The following RASA1 variants were observed in gnomAD, a reference collection of about 807,000 sequenced individuals.
The protein encoded by RASA1 is RAS p21 protein activator 1.
Under a neutral mutation model 132.2 loss-of-function variants are expected in RASA1, and 25 were observed. That is an observed-to-expected ratio of 0.19 (90% CI 0.14 to 0.26). The LOEUF (loss-of-function observed/expected upper bound fraction) is 0.26, where lower values mean the gene tolerates loss of function less well. RASA1 is among the 10% of genes least tolerant of loss of function. The pLI is 1.00. For missense variants in RASA1, 964 were observed against 1,299.2 expected, an observed-to-expected ratio of 0.74 and a Z score of 3.97; for synonymous variants, 477 against 449.9, an observed-to-expected ratio of 1.06 and a Z score of -0.76.
In RASA1 at chr5:87,271,452, C is replaced by CTTTTTTTTTT. The variant is rs201918763; in HGVS notation, c.539+2485_539+2494dup. ...AAAAAAAACTGTTTTTAGTAGACTT[C>CTTTTTTTTTT]TTTTTTTTTTTTTTTTTTTTTTTTT... On this transcript the variant is annotated intron_variant, in intron 1 of 24. Coordinates refer to ENST00000274376, the MANE Select transcript of RASA1 (RefSeq NM_002890.3). Among the ~76,000 whole-genome samples the CTTTTTTTTTT allele has an allele frequency of 3.9e-4, 15 of 38,214 alleles. 1 individual carries two copies. The highest frequency in any genetic ancestry group is 6.9e-4 in the African/African-American group (6 of 8,668). 25.1% of individuals were successfully genotyped at this position (38,214 alleles called of 152,430 possible). A position where few individuals can be genotyped will look rare whatever the true frequency, so the allele number is the denominator to read the frequency against.
Position 87,346,709 on chromosome 5 carries a change from A to C in RASA1, c.1087A>C (p.Asn363His). ...HGKISKQEAY[N>H]LLMTVGQVCS... ...GAAGATTTCCAAACAGGAAGCTTATAATTTACTAATGACAGGTACTTACAT... is the reference window on the plus strand; with the variant it reads ...GAAGATTTCCAAACAGGAAGCTTATCATTTACTAATGACAGGTACTTACAT... Residue 363 changes from asparagine (N) to histidine (H), a missense_variant, in exon 7 of 25, where the codon AAT becomes CAT. Transcript: ENST00000274376. 2 of 1,551,666 alleles carry C rather than the reference A, an allele frequency of 1.3e-6. No homozygotes were observed. The highest frequency in any genetic ancestry group is 1.8e-6 in the Non-Finnish European group (2 of 1,125,314).
intron 1 of RASA1, among the ~76,000 whole-genome samples, chr5:87,281,876 C>T (rs1203094395): frequency 6.6e-6 from 1 of 152,136 alleles, no homozygotes; most frequent in Non-Finnish European, 1.5e-5. Context: ...CCACCGCCCC[C>T]AGCCTATTGC....
chr5:87,377,485 C>T (rs969851567), intron 17 of RASA1, among the ~76,000 whole-genome samples: 1 of 152,128 alleles, frequency 6.6e-6, no homozygotes, highest in Non-Finnish European at 1.5e-5. Context: ...CATATGCCAC[C>T]ACACCCAGCT....
chr5:87,350,483 G>T (rs1298462477), intron 8 of RASA1, among the ~76,000 whole-genome samples: 2 of 151,716 alleles, frequency 1.3e-5, no homozygotes, highest in Non-Finnish European at 3.0e-5. Flanking sequence ...CCTTTTTAAA[G>T]ATAAAATAAT....
At chr5:87,377,715 C>T (rs1761420508) in intron 17 of RASA1, among the ~76,000 whole-genome samples, 1 of 152,106 alleles carries the variant, frequency 6.6e-6, no homozygotes, top group African/African-American at 2.4e-5. Context: ...CTGCTGGACA[C>T]AGTGCTTTTA....
At chr5:87,313,491 T>C (rs547208774) in intron 1 of RASA1, among the ~76,000 whole-genome samples, 1 of 152,332 alleles carries the variant, frequency 6.6e-6, no homozygotes, top group East Asian at 1.9e-4. Context: ...GACTTTTGAA[T>C]TTCCACATAG....
chr5:87,332,410 G>A lies in RASA1; in HGVS notation c.693-97G>A, dbSNP rs918751235. On this transcript the variant is annotated intron_variant, in intron 2 of 24. Transcript: ENST00000274376. ...TAAGGATATAGTTACAAGGAAAAGA[G>A]TATGGAAATTATGGATTTATAATTT... The A allele has an allele frequency of 9.7e-6, 12 of 1,239,810 alleles. No individual in the cohort carries two copies. The Admixed American group carries it at 2.2e-4, about 22-fold the overall frequency. The allele number at this position is 1,239,810 out of a possible 1,614,324, so 76.8% of individuals were successfully genotyped here.
chr5:87,269,273 C>G, intron 1 of RASA1: 3 of 1,537,266 alleles, frequency 2.0e-6, no homozygotes, highest in Non-Finnish European at 2.6e-6. Flanking sequence ...ATAGTTCTGT[C>G]CCTTCCAAGT....
chr5:87,335,934 T>TA (rs1313245722), intron 4 of RASA1, among the ~76,000 whole-genome samples: 1 of 152,230 alleles, frequency 6.6e-6, no homozygotes, highest in Admixed American at 6.5e-5. Context: ...ATATTACAAC[T>TA]AACCTTCAAG....
rs767007141 is a variant in RASA1, at chr5:87,376,454, G to A, written c.2073G>A (p.Leu691=). The A allele has an allele frequency of 4.3e-6, 7 of 1,613,992 alleles. No individual in the cohort carries two copies. In the Admixed American group the frequency reaches 5.0e-5, roughly 12 times the overall value. The change falls in exon 16 of 25, where the codon CTG becomes CTA. Residue 691 remains leucine (L), a synonymous_variant. Coordinates refer to ENST00000274376, the MANE Select transcript of RASA1 (RefSeq NM_002890.3). ...QKGHATDEWF[L]LSSHIPLKGI... ...GGCATGCCACAGATGAATGGTTTCTGCTCAGCTCCCATATACCATTAAAAG... is the reference window on the plus strand; with the variant it reads ...GGCATGCCACAGATGAATGGTTTCTACTCAGCTCCCATATACCATTAAAAG...
At chr5:87,271,931 A>G (rs1479045435) in intron 1 of RASA1, among the ~76,000 whole-genome samples, 1 of 151,656 alleles carries the variant, frequency 6.6e-6, no homozygotes, top group Non-Finnish European at 1.5e-5. Flanking sequence ...AGGCGAGTGG[A>G]TCACTTGAGG....
At chr5:87,353,481 T>G (rs1759430439) in intron 9 of RASA1, among the ~76,000 whole-genome samples, 1 of 151,938 alleles carries the variant, frequency 6.6e-6, no homozygotes, top group Admixed American at 6.6e-5. Context: ...TAAGTTGCAG[T>G]AGGTCCAGGA....
intron 1 of RASA1, among the ~76,000 whole-genome samples, chr5:87,271,449 C>G (rs1228695907): frequency 5.9e-5 from 4 of 67,494 alleles, no homozygotes; most frequent in Non-Finnish European, 1.2e-4. Context: ...TTTTAGTAGA[C>G]TTCTTTTTTT....
In RASA1 at chr5:87,337,652, A is replaced by G. The variant is rs1043436726; in HGVS notation, c.900-322A>G. Among the ~76,000 whole-genome samples the G allele has an allele frequency of 2.0e-5, 3 of 152,124 alleles. No individual in the cohort carries two copies. In the East Asian group the frequency reaches 5.8e-4, roughly 29 times the overall value. On this transcript the variant is annotated intron_variant, in intron 4 of 24. Transcript: ENST00000274376. Reference sequence around the variant, plus strand: ...TCAGTTTTCTTGTAGTTACACCCCAAAACCTTCAATATATGTACAATCAGT... The same window carrying G: ...TCAGTTTTCTTGTAGTTACACCCCAGAACCTTCAATATATGTACAATCAGT...
At chr5:87,337,900 T>C in intron 4 of RASA1, 74 bp from the exon 5 acceptor site, 2 of 1,422,260 alleles carry the variant, frequency 1.4e-6, no homozygotes, top group Non-Finnish European at 9.5e-7. Context: ...CTATCCTATT[T>C]TGTGGTATAT....
chr5:87,312,786 A>G (rs1756016466), intron 1 of RASA1, among the ~76,000 whole-genome samples: 1 of 152,204 alleles, frequency 6.6e-6, no homozygotes, highest in Admixed American at 6.5e-5. Context: ...TCCTCAGAGT[A>G]CTGGAAAATC....
At chr5:87,306,082 A>G (rs1218298589) in intron 1 of RASA1, among the ~76,000 whole-genome samples, 1 of 152,238 alleles carries the variant, frequency 6.6e-6, no homozygotes, top group Non-Finnish European at 1.5e-5. Context: ...ATCTAAAGAT[A>G]GAAATACCAT....
chr5:87,378,825 AGCGTGC>A (rs2112496502), intron 18 of RASA1, among the ~76,000 whole-genome samples: 1 of 152,324 alleles, frequency 6.6e-6, no homozygotes, highest in African/African-American at 2.4e-5. Context: ...ACTTACAGAA[AGCGTGC>A]ATAAGATAAA....
At chr5:87,378,640 A>G (rs1761488373) in intron 18 of RASA1, 102 bp downstream of exon 18, 2 of 1,257,926 alleles carry the variant, frequency 1.6e-6, no homozygotes, top group East Asian at 2.6e-5. Flanking sequence ...TTAAATTTCT[A>G]AAATTATTCC....
Sources: gnomAD v4.1 joint callset for allele counts (sites outside exome capture counted in the v4.1 genomes callset) on GRCh38, gnomAD v4.1.1 for gene constraint, MANE v1.5 for transcripts, NCBI Gene and HGNC (gene_info 2026-07-23, HGNC 2026-07-21) for gene names.